The following NCAM2 variants were observed in gnomAD, a reference collection of about 807,000 sequenced individuals.
NCAM2 encodes the protein neural cell adhesion molecule 2, also known as N-CAM-2.
In NCAM2, 30 loss-of-function variants were observed where a neutral mutation model predicts 98.1. The observed-to-expected ratio is 0.31, with a 90% confidence interval of 0.23 to 0.41. NCAM2 has a LOEUF of 0.41. Among genes scored for constraint, NCAM2 ranks in the 10% least tolerant of loss-of-function variants. NCAM2 has a pLI of 1.00. For missense variants in NCAM2, 867 were observed against 1,005.8 expected (o/e 0.86, Z 1.87); for synonymous variants, 368 against 342.4 (o/e 1.07, Z -0.83).
intron 1 of NCAM2, among the ~76,000 whole-genome samples, chr21:21,279,381 CAG>C (rs1046925887): frequency 3.3e-5 from 5 of 152,102 alleles, no homozygotes; most frequent in African/African-American, 4.8e-5. Flanking sequence ...TTTTCTGAGA[CAG>C]AGTTTCACTC....
intron 10 of NCAM2, among the ~76,000 whole-genome samples, chr21:21,415,718 G>A (rs1223377859): frequency 6.6e-6 from 1 of 152,118 alleles, no homozygotes; most frequent in Admixed American, 6.5e-5. Flanking sequence ...TTATAAAGAT[G>A]GCTTCTTCCC....
chr21:21,015,736 T>C (rs2064294068), intron 1 of NCAM2, among the ~76,000 whole-genome samples: 1 of 152,168 alleles, frequency 6.6e-6, no homozygotes, highest in Non-Finnish European at 1.5e-5. Context: ...AAAGTCTCGC[T>C]CTTGTCCCCC....
At chr21:21,324,244 G>T (rs2147795373) in intron 5 of NCAM2, 139 bp from the exon 6 acceptor site, 2 of 588,178 alleles carry the variant, frequency 3.4e-6, no homozygotes, top group East Asian at 2.8e-5. Flanking sequence ...ATTTTACTGT[G>T]AAACCAAATC....
At chr21:21,498,347 G>GT (rs199517814) in intron 15 of NCAM2, among the ~76,000 whole-genome samples, 1,524 of 152,084 alleles carry the variant, frequency 0.01, 21 homozygotes, top group African/African-American at 0.035. Context: ...ACTCTTTGCA[G>GT]TTTTCTCTTC....
At chr21:21,423,919 T>C (rs760250623) in intron 11 of NCAM2, among the ~76,000 whole-genome samples, 12 of 152,184 alleles carry the variant, frequency 7.9e-5, no homozygotes, top group Non-Finnish European at 1.3e-4. Context: ...CTGGATCAAT[T>C]GAATAGAATT....
chr21:21,535,343 C>A (rs1180989808), intron 17 of NCAM2, among the ~76,000 whole-genome samples: 1 of 152,050 alleles, frequency 6.6e-6, no homozygotes, highest in Non-Finnish European at 1.5e-5. Context: ...GTGGTACTAA[C>A]AAAACCATGG....
rs76818203 is a variant in NCAM2, at chr21:21,268,080, T to G, written c.56-12498T>G. Among the ~76,000 whole-genome samples the G allele has an allele frequency of 5.4e-3, 822 of 152,270 alleles. 12 individuals are homozygous for G. Among genetic ancestry groups the G allele is most frequent in the African/African-American group, 0.019 (792 of 41,546 alleles). On this transcript the variant is annotated intron_variant, in intron 1 of 17. Coordinates refer to ENST00000400546, the MANE Select transcript of NCAM2 (RefSeq NM_004540.5). ...GTGAATTTCTGACTCTTTGAACTGC[T>G]TATTTAGAGAAATTCCTGGTGAATA... is the stretch of plus-strand genomic sequence containing the variant.
At chr21:21,062,554 A>C (rs2065345008) in intron 1 of NCAM2, among the ~76,000 whole-genome samples, 1 of 152,162 alleles carries the variant, frequency 6.6e-6, no homozygotes, top group Admixed American at 6.6e-5. Context: ...CCTCATAAGG[A>C]GCTAACGCTA....
At chr21:21,155,951 T>C (rs1294750137) in intron 1 of NCAM2, among the ~76,000 whole-genome samples, 1 of 152,046 alleles carries the variant, frequency 6.6e-6, no homozygotes, top group African/African-American at 2.4e-5. Context: ...ATTTGGCATG[T>C]GGAACCACTA....
rs1990295582 is a variant in NCAM2, at chr21:21,543,043, GTA to G, written c.*5088_*5089del. On this transcript the variant is annotated 3_prime_UTR_variant, in exon 18 of 18. Transcript: ENST00000400546. ...AAAAAGCTTTTTTGGTATGTGAACTGTATGCTGTGCTCAGTATGTACTGAAAC... is the reference window on the plus strand; with the variant it reads ...AAAAAGCTTTTTTGGTATGTGAACTGTGCTGTGCTCAGTATGTACTGAAAC... The G allele has an allele frequency of 6.6e-6, 1 of 151,814 alleles. No homozygotes were observed. Among genetic ancestry groups the G allele is most frequent in the East Asian group, 1.9e-4 (1 of 5,160 alleles). 9.4% of individuals were successfully genotyped at this position (151,814 alleles called of 1,614,324 possible). A position where few individuals can be genotyped will look rare whatever the true frequency, so the allele number is the denominator to read the frequency against.
chr21:21,269,563 T>G (rs1353879302), intron 1 of NCAM2, among the ~76,000 whole-genome samples: 6 of 152,200 alleles, frequency 3.9e-5, no homozygotes, highest in African/African-American at 1.4e-4. Context: ...CTAAATTGTT[T>G]ATTTTAAAGA....
chr21:21,003,124 T>C (rs113618333), intron 1 of NCAM2, among the ~76,000 whole-genome samples: 2 of 152,124 alleles, frequency 1.3e-5, no homozygotes, highest in East Asian at 1.9e-4. Context: ...CAAATAGATA[T>C]CAACATATTT....
chr21:21,454,248 A>G (rs1981785511), intron 12 of NCAM2, among the ~76,000 whole-genome samples: 2 of 151,880 alleles, frequency 1.3e-5, no homozygotes, highest in Non-Finnish European at 2.9e-5. Context: ...TAATCACAAA[A>G]ATTCTTCCCT....
intron 1 of NCAM2, among the ~76,000 whole-genome samples, chr21:21,116,015 TTGTGTGTGTGTGTGTG>T (rs3071992): frequency 2.7e-5 from 4 of 146,204 alleles, no homozygotes; most frequent in East Asian, 4.0e-4. Flanking sequence ...CATGCTGAGA[TTGTGTGTGTGTGTGTG>T]TGTGTGTGTG....
chr21:21,244,365 A>G (rs748721186), intron 1 of NCAM2, among the ~76,000 whole-genome samples: 4 of 152,164 alleles, frequency 2.6e-5, no homozygotes, highest in Non-Finnish European at 4.4e-5. Flanking sequence ...ACAGTACACA[A>G]TTTATGCATA....
At chr21:21,308,904 A>G (rs1032533489) in intron 5 of NCAM2, among the ~76,000 whole-genome samples, 4 of 151,940 alleles carry the variant, frequency 2.6e-5, no homozygotes, top group South Asian at 4.1e-4. Flanking sequence ...CTAGTTTACT[A>G]ATCTTTTCTT....
At chr21:21,017,779 T>G (rs2064343593) in intron 1 of NCAM2, among the ~76,000 whole-genome samples, 1 of 152,112 alleles carries the variant, frequency 6.6e-6, no homozygotes, top group African/African-American at 2.4e-5. Context: ...CTGTGCAAAA[T>G]AGCCAAATCT....
intron 1 of NCAM2, among the ~76,000 whole-genome samples, chr21:21,114,928 C>T (rs1270639542): frequency 6.6e-6 from 1 of 151,802 alleles, no homozygotes; most frequent in East Asian, 1.9e-4. Context: ...TCAAGTGATT[C>T]TTCTGCCTCA....
chr21:21,351,913 AT>A (rs546506796), intron 8 of NCAM2, among the ~76,000 whole-genome samples: 131 of 152,082 alleles, frequency 8.6e-4, no homozygotes, highest in African/African-American at 3.0e-3. Flanking sequence ...CGCCCGGCTA[AT>A]TTTTTTATTA....
Sources: gnomAD v4.1 joint callset for allele counts (sites outside exome capture counted in the v4.1 genomes callset) on GRCh38, gnomAD v4.1.1 for gene constraint, MANE v1.5 for transcripts, NCBI Gene and HGNC (gene_info 2026-07-23, HGNC 2026-07-21) for gene names.